Variants in GPR141 observed in about 807,000 individuals in gnomAD.
GPR141 encodes the protein G protein-coupled receptor 141.
Under a neutral mutation model 6.8 loss-of-function variants are expected in GPR141, and 6 were observed. That is an observed-to-expected ratio of 0.88 (90% CI 0.48 to 1.74). The LOEUF (loss-of-function observed/expected upper bound fraction) is 1.74. Among genes scored for constraint, GPR141 ranks in the 40% most tolerant of loss-of-function variants. The pLI, the probability that GPR141 is intolerant of heterozygous loss-of-function variation, is 0.01. For missense variants in GPR141, 372 were observed against 372.9 expected (o/e 1.00, Z 0.02); for synonymous variants, 140 against 142.3 (o/e 0.98, Z 0.11).
Position 37,740,440 on chromosome 7 carries a change from T to C in GPR141, c.47T>C (p.Val16Ala), listed in dbSNP as rs774171280. Residue 16 changes from valine to alanine, a missense_variant, in exon 3 of 3, where the codon GTG becomes GCG. Transcript: ENST00000334425. The part of the protein sequence containing the change: ...TSRNSSCDPI[V>A]TPHLISLYFI... The stretch of plus-strand genomic sequence containing the variant: ...AGGAATTCCTCTTGCGATCCTATAG[T>C]GACACCCCACTTAATCAGCCTCTAC... 1.2e-6 allele frequency: 2 copies of C among 1,613,318 alleles called. No individual in the cohort carries two copies. The highest frequency in any genetic ancestry group is 1.7e-6 in the Non-Finnish European group (2 of 1,179,448).
chr7:37,709,277 T>C (rs577200175), intron 2 of GPR141, among the ~76,000 whole-genome samples: 1 of 152,214 alleles, frequency 6.6e-6, no homozygotes, highest in Admixed American at 6.5e-5. Context: ...GATTATTTGG[T>C]AAAGATCATA....
At chr7:37,735,603 C>T (rs116056453) in intron 2 of GPR141, among the ~76,000 whole-genome samples, 4,443 of 152,150 alleles carry the variant, frequency 0.029, 231 homozygotes, top group African/African-American at 0.1. Flanking sequence ...AGGATGACCC[C>T]TCTCAAGGAA....
At chr7:37,686,853 A>G (rs1255620660) in intron 2 of GPR141, among the ~76,000 whole-genome samples, 2 of 152,160 alleles carry the variant, frequency 1.3e-5, no homozygotes, top group Non-Finnish European at 1.5e-5. Context: ...TTTAATTAAC[A>G]TAGGAGAGAG....
chr7:37,718,546 A>AGGAAGGAAGGAAGGAG (rs1283607221), intron 2 of GPR141, among the ~76,000 whole-genome samples: 7 of 152,104 alleles, frequency 4.6e-5, no homozygotes, highest in African/African-American at 1.7e-4. Context: ...GAAGGAAGGA[A>AGGAAGGAAGGAAGGAG]GGAAGGAAGG....
chr7:37,718,021 G>A (rs1158314228), intron 2 of GPR141, among the ~76,000 whole-genome samples: 1 of 151,844 alleles, frequency 6.6e-6, no homozygotes, highest in Non-Finnish European at 1.5e-5. Context: ...AGTTAGAATT[G>A]TTAAAAAGTT....
intron 1 of GPR141, chr7:37,685,122 A>G (rs915276752): frequency 6.6e-6 from 1 of 152,218 alleles, no homozygotes; most frequent in Non-Finnish European, 1.5e-5. Context: ...GCTGTATAAA[A>G]ACAAGAAGTG....
chr7:37,691,698 A>G (rs1301825502), intron 2 of GPR141, among the ~76,000 whole-genome samples: 1 of 152,102 alleles, frequency 6.6e-6, no homozygotes, highest in East Asian at 1.9e-4. Flanking sequence ...ATTTTTTGGT[A>G]AGGCTGGTGA....
chr7:37,704,987 G>A (rs2131769195), intron 2 of GPR141, among the ~76,000 whole-genome samples: 1 of 152,232 alleles, frequency 6.6e-6, no homozygotes, highest in South Asian at 2.1e-4. Context: ...CAGAGTTATT[G>A]CTATGTGCTC....
At chr7:37,731,282 C>G (rs1444710971) in intron 2 of GPR141, among the ~76,000 whole-genome samples, 1 of 152,198 alleles carries the variant, frequency 6.6e-6, no homozygotes, top group Admixed American at 6.5e-5. Context: ...AGCAATCCCC[C>G]TTGTACCTGC....
At chr7:37,693,701 G>A (rs150134387) in intron 2 of GPR141, among the ~76,000 whole-genome samples, 3 of 152,240 alleles carry the variant, frequency 2.0e-5, no homozygotes, top group Non-Finnish European at 4.4e-5. Flanking sequence ...GGAGCATGAA[G>A]CAGCACAACA....
intron 2 of GPR141, among the ~76,000 whole-genome samples, chr7:37,731,254 A>G (rs919166439): frequency 4.6e-5 from 7 of 152,220 alleles, no homozygotes; most frequent in African/African-American, 1.7e-4. Context: ...GATTAGAGAC[A>G]GGCTGTTACG....
chr7:37,689,056 C>T (rs1390964857), intron 2 of GPR141, among the ~76,000 whole-genome samples: 1 of 152,120 alleles, frequency 6.6e-6, no homozygotes, highest in Non-Finnish European at 1.5e-5. Flanking sequence ...TAAACAGTTA[C>T]TCCCCATTCT....
chr7:37,714,649 A>G (rs1810961918), intron 2 of GPR141, among the ~76,000 whole-genome samples: 1 of 152,226 alleles, frequency 6.6e-6, no homozygotes, highest in Non-Finnish European at 1.5e-5. Flanking sequence ...AACCTTGAAG[A>G]AAGCCAATTG....
At chr7:37,725,229 T>A (rs1311624245) in intron 2 of GPR141, among the ~76,000 whole-genome samples, 2 of 152,302 alleles carry the variant, frequency 1.3e-5, no homozygotes, top group East Asian at 3.9e-4. Flanking sequence ...TGATCAGTGT[T>A]ATGAAGAACA....
chr7:37,732,765 CTT>C (rs1468369447), intron 2 of GPR141, among the ~76,000 whole-genome samples: 3 of 152,200 alleles, frequency 2.0e-5, no homozygotes, highest in African/African-American at 7.2e-5. Flanking sequence ...GAGCAGGACT[CTT>C]TATAAGAGCT....
At chr7:37,725,370 G>A (rs1811573916) in intron 2 of GPR141, among the ~76,000 whole-genome samples, 1 of 152,064 alleles carries the variant, frequency 6.6e-6, no homozygotes, top group African/African-American at 2.4e-5. Flanking sequence ...GGAGGAATGA[G>A]CGGCCACATC....
chr7:37,736,495 G>GAA (rs56403860), intron 2 of GPR141, among the ~76,000 whole-genome samples: 5 of 129,416 alleles, frequency 3.9e-5, no homozygotes, highest in South Asian at 2.4e-4. Context: ...ATAAACAGAG[G>GAA]AAAAAAAAAA....
At position 37,689,694 on chromosome 7, in the gene GPR141, G is replaced by A. The variant is rs141401332; in HGVS notation, c.-15+4111G>A. ...AACTTGTTGGTGTACAGTTGTTCAT[G>A]GTAGTCTTCAGTGATCCTTTTTTTT... On this transcript the variant is annotated intron_variant, in intron 2 of 2. Coordinates refer to ENST00000334425, the MANE Select transcript of GPR141 (RefSeq NM_001381946.1). Among the ~76,000 whole-genome samples the A allele has an allele frequency of 5.5e-3, 835 of 151,850 alleles. 8 individuals carry two copies. The highest frequency in any genetic ancestry group is 0.019 in the African/African-American group (792 of 41,372).
chr7:37,699,149 C>T lies in GPR141; in HGVS notation c.-15+13566C>T, dbSNP rs190279314. On this transcript the variant is annotated intron_variant, in intron 2 of 2. Transcript: ENST00000334425. ...ACTTTGATCCAGAATCACGGATTGG[C>T]AGTTTTTTTTTCTATGAAGAATCAG... Among the ~76,000 whole-genome samples the T allele has an allele frequency of 9.9e-5, 15 of 152,248 alleles. No homozygotes were observed. The East Asian group carries it at 2.9e-3, about 29-fold the overall frequency.
Sources: gnomAD v4.1 joint callset for allele counts (sites outside exome capture counted in the v4.1 genomes callset) on GRCh38, gnomAD v4.1.1 for gene constraint, MANE v1.5 for transcripts, NCBI Gene and HGNC (gene_info 2026-07-23, HGNC 2026-07-21) for gene names.